The following FRMD4A variants were observed in gnomAD, a reference collection of about 807,000 sequenced individuals.
The protein encoded by FRMD4A is FERM domain containing 4A, also known as FERM domain-containing protein 4A.
FRMD4A carries 29 observed loss-of-function variants against 129.1 expected under a neutral mutation model. That is an observed-to-expected ratio of 0.22 (90% CI 0.17 to 0.31). The LOEUF is 0.31. Ranked by LOEUF, FRMD4A falls within the 10% of genes least tolerant of loss-of-function variation. The probability of loss-of-function intolerance (pLI) is 1.00; values close to 1 mark genes in which losing one functional copy is unlikely to be tolerated. For missense variants in FRMD4A, 1,272 were observed against 1,375.8 expected (o/e 0.92, Z 1.19); for synonymous variants, 634 against 571.6 (o/e 1.11, Z -1.56).
At chr10:13,784,565 T>C (rs577010920) in intron 5 of FRMD4A, among the ~76,000 whole-genome samples, 18 of 152,146 alleles carry the variant, frequency 1.2e-4, no homozygotes, top group Non-Finnish European at 2.4e-4. Flanking sequence ...AAATGATACT[T>C]TTAGATTCCA....
At chr10:14,330,433 G>A (rs1184835952) in intron 1 of FRMD4A, among the ~76,000 whole-genome samples, 164 bp downstream of exon 1, 1 of 152,104 alleles carries the variant, frequency 6.6e-6, no homozygotes, top group African/African-American at 2.4e-5. Context: ...CTTAGAACAC[G>A]GAATGTTTAA....
At chr10:13,699,165 C>T (rs746106173) in intron 14 of FRMD4A, among the ~76,000 whole-genome samples, 8 of 150,746 alleles carry the variant, frequency 5.3e-5, no homozygotes, top group Non-Finnish European at 1.2e-4. Context: ...AAGCAATTCT[C>T]CTCCCTCAGC....
At chr10:13,680,773 G>A (rs1026603417) in intron 15 of FRMD4A, among the ~76,000 whole-genome samples, 3 of 151,906 alleles carry the variant, frequency 2.0e-5, no homozygotes, top group South Asian at 2.1e-4. Context: ...TAGGCTGGGC[G>A]CAGTGGCTCA....
intron 2 of FRMD4A, among the ~76,000 whole-genome samples, chr10:14,256,974 G>T (rs1844636174): frequency 6.6e-6 from 1 of 151,994 alleles, no homozygotes; most frequent in Admixed American, 6.6e-5. Flanking sequence ...TGTTTATTTG[G>T]GGAAAAAAAT....
chr10:13,991,736 T>C lies in FRMD4A; in HGVS notation c.46-132824A>G, dbSNP rs1374958589. ...TTACTCTCAATGGGCTACGTTTCCA[T>C]TGTGTTGGTTTCCCTTACAGAAAGT... On this transcript the variant is annotated intron_variant, in intron 2 of 24. Coordinates refer to ENST00000357447, the MANE Select transcript of FRMD4A (RefSeq NM_018027.5). 6 of 152,784 alleles carry C rather than the reference T, an allele frequency of 3.9e-5. 1 individual carries two copies. In the South Asian group the frequency reaches 8.3e-4, roughly 21 times the overall value. 9.5% of individuals were successfully genotyped at this position (152,784 alleles called of 1,614,324 possible).
chr10:14,305,090 T>C, intron 2 of FRMD4A, among the ~76,000 whole-genome samples: 1 of 152,210 alleles, frequency 6.6e-6, no homozygotes, highest in African/African-American at 2.4e-5. Context: ...GGAAACCAAC[T>C]CAATACAGAT....
chr10:13,696,641 G>A (rs186001318), intron 14 of FRMD4A, among the ~76,000 whole-genome samples: 1 of 152,348 alleles, frequency 6.6e-6, no homozygotes, highest in Admixed American at 6.5e-5. Context: ...TTACTCTGGA[G>A]GCTGAGGCAG....
chr10:13,941,311 A>G (rs951000868), intron 2 of FRMD4A, among the ~76,000 whole-genome samples: 4 of 152,156 alleles, frequency 2.6e-5, no homozygotes, highest in Non-Finnish European at 5.9e-5. Flanking sequence ...CTGCTGCCAT[A>G]TAAGACATGC....
intron 2 of FRMD4A, among the ~76,000 whole-genome samples, chr10:14,143,320 A>G (rs1183423659): frequency 6.6e-6 from 1 of 152,268 alleles, no homozygotes; most frequent in Non-Finnish European, 1.5e-5. Flanking sequence ...GGAAATCCTG[A>G]GACAGGCTAC....
intron 2 of FRMD4A, among the ~76,000 whole-genome samples, chr10:14,246,185 G>T (rs1311879022): frequency 6.6e-6 from 1 of 152,186 alleles, no homozygotes; most frequent in Non-Finnish European, 1.5e-5. Context: ...AATCAACCCA[G>T]ATTTCTCAGG....
At chr10:13,971,058 C>T (rs1355489818) in intron 2 of FRMD4A, among the ~76,000 whole-genome samples, 1 of 152,152 alleles carries the variant, frequency 6.6e-6, no homozygotes, top group East Asian at 1.9e-4. Flanking sequence ...AGCTTGTCAC[C>T]ACCCCCAACA....
chr10:13,777,955 A>C (rs2092638402), intron 6 of FRMD4A, among the ~76,000 whole-genome samples: 1 of 151,778 alleles, frequency 6.6e-6, no homozygotes, highest in African/African-American at 2.4e-5. Flanking sequence ...GGCGCCTGCC[A>C]CCACGCCCGG....
At chr10:14,063,950 G>T (rs1042349621) in intron 2 of FRMD4A, among the ~76,000 whole-genome samples, 1 of 152,154 alleles carries the variant, frequency 6.6e-6, no homozygotes, top group African/African-American at 2.4e-5. Flanking sequence ...TGAGACTTCT[G>T]AGCCCTACTG....
At chr10:14,138,775 GA>G (rs1249419439) in intron 2 of FRMD4A, among the ~76,000 whole-genome samples, 1 of 150,878 alleles carries the variant, frequency 6.6e-6, no homozygotes, top group African/African-American at 2.4e-5. Flanking sequence ...AAGAAAAAAA[GA>G]AAAAAAGAAC....
intron 2 of FRMD4A, among the ~76,000 whole-genome samples, chr10:14,067,618 A>C (rs1186259424): frequency 1.3e-5 from 2 of 152,024 alleles, no homozygotes; most frequent in East Asian, 3.9e-4. Context: ...GGAGTTCAAG[A>C]CCAGCCTGGC....
At chr10:14,184,928 T>C (rs1289680099) in intron 2 of FRMD4A, among the ~76,000 whole-genome samples, 1 of 152,084 alleles carries the variant, frequency 6.6e-6, no homozygotes, top group Non-Finnish European at 1.5e-5. Flanking sequence ...ACCGCTAAAG[T>C]CGTGTAGGGT....
chr10:13,838,319 C>T (rs2093909147), intron 3 of FRMD4A, among the ~76,000 whole-genome samples: 1 of 148,432 alleles, frequency 6.7e-6, no homozygotes, highest in South Asian at 2.1e-4. Flanking sequence ...TTCACAAACT[C>T]ATGGGCCTAA....
At chr10:14,265,149 G>C (rs544360131) in intron 2 of FRMD4A, among the ~76,000 whole-genome samples, 2 of 152,310 alleles carry the variant, frequency 1.3e-5, no homozygotes, top group East Asian at 3.9e-4. Flanking sequence ...TTAACTGATA[G>C]AATAAGTAGG....
chr10:13,891,560 G>A (rs1319588268), intron 2 of FRMD4A: 1 of 977,264 alleles, frequency 1.0e-6, no homozygotes, highest in African/African-American at 1.8e-5. Flanking sequence ...TGAAAACACG[G>A]AAGGCGAAGG....
Sources: allele counts gnomAD v4.1 joint callset (sites outside exome capture counted in the v4.1 genomes callset), GRCh38; gene constraint gnomAD v4.1.1; transcripts MANE v1.5; gene names NCBI Gene and HGNC (gene_info 2026-07-23, HGNC 2026-07-21).